Variants in PRKCE observed in about 807,000 individuals in gnomAD.
The protein encoded by PRKCE is protein kinase C epsilon type.
A neutral mutation model predicts 85.4 loss-of-function variants in PRKCE; 16 were observed. The observed-to-expected ratio is 0.19, with a 90% CI of 0.13 to 0.28. The LOEUF is 0.28. Among genes scored for constraint, PRKCE ranks in the 10% least tolerant of loss-of-function variants. The pLI is 1.00. For missense variants in PRKCE, 573 were observed against 975.2 expected (o/e 0.59, Z 5.49); for synonymous variants, 388 against 371.5 (o/e 1.04, Z -0.51).
chr2:46,008,547 G>A (rs139748928), intron 9 of PRKCE, among the ~76,000 whole-genome samples: 1 of 152,222 alleles, frequency 6.6e-6, no homozygotes, highest in Admixed American at 6.5e-5. Context: ...GGAAGCTCCT[G>A]GGATCACATG....
intron 10 of PRKCE, among the ~76,000 whole-genome samples, chr2:46,054,216 T>C (rs966059468): frequency 6.6e-6 from 1 of 152,206 alleles, no homozygotes; most frequent in Non-Finnish European, 1.5e-5. Context: ...GTATTACAGA[T>C]AAGAAAATGG....
chr2:46,094,463 T>A (rs1308392674), intron 11 of PRKCE, among the ~76,000 whole-genome samples: 1 of 152,230 alleles, frequency 6.6e-6, no homozygotes, highest in African/African-American at 2.4e-5. Context: ...TCAGATGAGA[T>A]CATGTCCTTT....
chr2:46,011,374 G>GT (rs1705659035), intron 10 of PRKCE, among the ~76,000 whole-genome samples: 1 of 152,180 alleles, frequency 6.6e-6, no homozygotes, highest in African/African-American at 2.4e-5. Context: ...TTGAATGCCA[G>GT]TTTTTCCACT....
intron 1 of PRKCE, among the ~76,000 whole-genome samples, chr2:45,829,143 A>G (rs1690196084): frequency 6.6e-6 from 1 of 152,310 alleles, no homozygotes; most frequent in Non-Finnish European, 1.5e-5. Flanking sequence ...AAATTCTGTA[A>G]TGATTATTCT....
chr2:46,107,898 T>C (rs1374087477), intron 11 of PRKCE, among the ~76,000 whole-genome samples: 3 of 152,186 alleles, frequency 2.0e-5, no homozygotes, highest in Admixed American at 1.3e-4. Flanking sequence ...CATTTTTTAA[T>C]TGAGTTGTTT....
intron 10 of PRKCE, among the ~76,000 whole-genome samples, chr2:46,061,859 C>CTTTTT (rs10695600): frequency 9.3e-6 from 1 of 107,746 alleles, no homozygotes; most frequent in African/African-American, 4.0e-5. Flanking sequence ...TTTTCTTTTT[C>CTTTTT]TTTTTTTTTT....
intron 1 of PRKCE, among the ~76,000 whole-genome samples, chr2:45,762,351 A>C (rs1684576307): frequency 6.6e-6 from 1 of 152,194 alleles, no homozygotes; most frequent in Non-Finnish European, 1.5e-5. Flanking sequence ...ACTCAAATTT[A>C]TGCCAAAATT....
chr2:46,003,371 G>A (rs1469990847), intron 7 of PRKCE, among the ~76,000 whole-genome samples: 4 of 152,200 alleles, frequency 2.6e-5, no homozygotes, highest in African/African-American at 9.6e-5. Context: ...TGATGTTAAT[G>A]GAGACTCAAA....
chr2:45,754,778 C>A (rs182594571), intron 1 of PRKCE, among the ~76,000 whole-genome samples: 1 of 152,208 alleles, frequency 6.6e-6, no homozygotes, highest in Non-Finnish European at 1.5e-5. Context: ...GGCTGACGTG[C>A]ATTGGAAGGC....
intron 1 of PRKCE, among the ~76,000 whole-genome samples, chr2:45,780,994 C>T (rs188545670): frequency 6.6e-6 from 1 of 152,110 alleles, no homozygotes; most frequent in Non-Finnish European, 1.5e-5. Context: ...AAATGCTTTA[C>T]ATATTGTATC....
At chr2:45,766,348 A>G (rs1432611616) in intron 1 of PRKCE, among the ~76,000 whole-genome samples, 1 of 152,200 alleles carries the variant, frequency 6.6e-6, no homozygotes, top group Non-Finnish European at 1.5e-5. Flanking sequence ...TCAATTCTGA[A>G]GGAAGACTTC....
At chr2:45,828,916 T>A (rs1276411930) in intron 1 of PRKCE, among the ~76,000 whole-genome samples, 1 of 152,180 alleles carries the variant, frequency 6.6e-6, no homozygotes, top group Non-Finnish European at 1.5e-5. Flanking sequence ...ATACTTATTT[T>A]AGTTTTACAA....
At chr2:45,742,900 A>C (rs1682696889) in intron 1 of PRKCE, among the ~76,000 whole-genome samples, 1 of 152,242 alleles carries the variant, frequency 6.6e-6, no homozygotes, top group Non-Finnish European at 1.5e-5. Flanking sequence ...GTGTCTGTTG[A>C]CAGATGGAAG....
At chr2:46,111,886 G>A (rs1010273510) in intron 11 of PRKCE, among the ~76,000 whole-genome samples, 12 of 152,118 alleles carry the variant, frequency 7.9e-5, no homozygotes, top group Non-Finnish European at 1.2e-4. Context: ...AACTCCCTGC[G>A]TGTTTTCCAA....
intron 2 of PRKCE, among the ~76,000 whole-genome samples, chr2:45,870,217 A>AG (rs1693981455): frequency 6.6e-6 from 1 of 152,160 alleles, no homozygotes; most frequent in South Asian, 2.1e-4. Flanking sequence ...GAAAGTCAGG[A>AG]GGACTGCTGG....
intron 11 of PRKCE, among the ~76,000 whole-genome samples, chr2:46,135,875 G>A (rs1192887283): frequency 6.7e-6 from 1 of 148,450 alleles, no homozygotes; most frequent in Non-Finnish European, 1.5e-5. Context: ...CCTATGTAGA[G>A]AATGTCAGGA....
intron 10 of PRKCE, among the ~76,000 whole-genome samples, chr2:46,037,886 G>A (rs753295353): frequency 2.0e-5 from 3 of 152,114 alleles, no homozygotes; most frequent in Non-Finnish European, 4.4e-5. Flanking sequence ...AGTGCTGGTT[G>A]GTTGTCGTTG....
intron 1 of PRKCE, among the ~76,000 whole-genome samples, chr2:45,781,643 G>GC (rs1329057471): frequency 2.2e-4 from 34 of 151,598 alleles, no homozygotes; most frequent in African/African-American, 8.0e-4. Flanking sequence ...ACCCGCGCCC[G>GC]CCCCCCGGCC....
At chr2:45,865,634 T>G (rs1205177977) in intron 2 of PRKCE, among the ~76,000 whole-genome samples, 2 of 152,084 alleles carry the variant, frequency 1.3e-5, no homozygotes, top group African/African-American at 4.8e-5. Flanking sequence ...TAACAGAAGC[T>G]CCATCAGCAT....
Sources: gnomAD v4.1 joint callset for allele counts (sites outside exome capture counted in the v4.1 genomes callset) on GRCh38, gnomAD v4.1.1 for gene constraint, MANE v1.5 for transcripts, NCBI Gene and HGNC (gene_info 2026-07-23, HGNC 2026-07-21) for gene names.